WDR90: variants seen among roughly 807,000 people sequenced by gnomAD.
WDR90 encodes the protein WD repeat-containing protein 90.
A neutral mutation model predicts 195.2 loss-of-function variants in WDR90; 238 were observed. The ratio of observed to expected loss-of-function variants is 1.22; its 90% CI spans 1.10 to 1.36. The LOEUF (loss-of-function observed/expected upper bound fraction) is 1.36. WDR90 is among the 40% of genes most tolerant of loss of function. The pLI is 0.00. For synonymous variants in WDR90, 1,265 were observed against 1,052.4 expected, an observed-to-expected ratio of 1.20 and a Z score of -3.91; for missense variants, 2,734 against 2,439.5, an observed-to-expected ratio of 1.12 and a Z score of -2.54.
rs1248979192 is a variant in WDR90, at chr16:662,283, G to T, written c.4097G>T (p.Trp1366Leu). Reference protein sequence around the residue: ...SGSSTGRLRLWAVGAVSELRC... With the variant: ...SGSSTGRLRLLAVGAVSELRC... ...AGCAGCACGGGGCGGCTGCGCCTGT[G>T]GGCCGTGGGGGCTGTGTCGGAGCTG... is the stretch of plus-strand genomic sequence containing the variant. Residue 1366 changes from tryptophan to leucine, a missense_variant, in exon 33 of 41, where the codon TGG (tryptophan) becomes TTG (leucine). Trp to Leu is a moderately conservative substitution (Grantham distance 61, BLOSUM62 -2). Transcript: ENST00000293879. 6.3e-7 allele frequency: 1 copy of T among 1,583,118 alleles called. No individual in the cohort carries two copies. The highest frequency in any genetic ancestry group is 2.3e-5 in the East Asian group (1 of 43,468).
Position 666,546 on chromosome 16 carries a change from A to G in WDR90, c.4832A>G (p.Asn1611Ser), listed in dbSNP as rs1385550967. 5 of 1,612,710 alleles carry G rather than the reference A, an allele frequency of 3.1e-6. No homozygotes were observed. The South Asian group carries it at 5.5e-5, about 18-fold the overall frequency. The stretch of plus-strand genomic sequence containing the variant: ...GTCTGGGCCTCCGACTGGCTGCGGA[A>G]CCACTGTGAGCTTGTGGACTGGTTG... ...VSVWASDWLR[N>S]HCELVDWLSF... The change falls in exon 38 of 41, where the codon AAC becomes AGC. Residue 1611 changes from asparagine to serine, a missense_variant. By Grantham distance (46) the Asn-to-Ser change is conservative. Coordinates refer to ENST00000293879, the MANE Select transcript of WDR90 (RefSeq NM_145294.5).
At chr16:664,207 G>T (rs1044298183) in intron 34 of WDR90, among the ~76,000 whole-genome samples, 1 of 151,934 alleles carries the variant, frequency 6.6e-6, no homozygotes, top group Admixed American at 6.6e-5. Flanking sequence ...GAAACCCCGT[G>T]CGTGCCTGTT....
chr16:657,362 C>A, intron 20 of WDR90, 141 bp downstream of exon 20: 2 of 1,285,790 alleles, frequency 1.6e-6, no homozygotes, highest in Non-Finnish European at 2.1e-6. Flanking sequence ...GCCTCAGTAA[C>A]CTTGTCAAGG....
At chr16:650,424 C>G in intron 4 of WDR90, 62 bp downstream of exon 4, 1 of 1,592,984 alleles carries the variant, frequency 6.3e-7, no homozygotes, top group Non-Finnish European at 8.6e-7. Context: ...TGGTGCAGGC[C>G]CAGTGAGGCT....
At chr16:663,346 G>A in intron 34 of WDR90, 1 of 300,184 alleles carries the variant, frequency 3.3e-6, no homozygotes, top group South Asian at 2.8e-5. Context: ...GCTGAGACAA[G>A]AGAATCGCTT....
In WDR90 at chr16:658,901, C is replaced by T. The variant is rs1456789671; in HGVS notation, c.2901C>T (p.Tyr967=). The T allele has an allele frequency of 6.2e-7, 1 of 1,611,900 alleles. No individual in the cohort carries two copies. Among genetic ancestry groups the T allele is most frequent in the African/African-American group, 1.3e-5 (1 of 75,056 alleles). ...ATQASPGPQV[Y]IGHSEPVQAV... ...TGTGACGCCGCTACCCCTAGGTGTA[C>T]ATCGGCCACTCGGAACCCGTGCAGG... The change falls in exon 24 of 41, where the codon TAC becomes TAT. Residue 967 remains tyrosine, a synonymous_variant. Transcript: ENST00000293879.
intron 7 of WDR90, 80 bp from the exon 8 acceptor site, chr16:651,564 C>A: frequency 7.1e-7 from 1 of 1,403,982 alleles, no homozygotes; most frequent in South Asian, 1.2e-5. Context: ...CCACTTGCTG[C>A]TGCCCTCCCC....
intron 7 of WDR90, 132 bp downstream of exon 7, chr16:651,398 C>A: frequency 1.7e-6 from 2 of 1,198,728 alleles, no homozygotes; most frequent in South Asian, 1.3e-5. Context: ...CAGGGAAGCC[C>A]GTAGGTTGTC....
intron 7 of WDR90, among the ~76,000 whole-genome samples, 177 bp from the exon 8 acceptor site, chr16:651,467 G>A (rs547928185): frequency 1.3e-4 from 20 of 152,278 alleles, no homozygotes; most frequent in African/African-American, 4.6e-4. Flanking sequence ...GGGGCCCCAA[G>A]CTTTCTAGCT....
At chr16:664,413 C>G (rs1465175084) in intron 34 of WDR90, among the ~76,000 whole-genome samples, 1 of 152,168 alleles carries the variant, frequency 6.6e-6, no homozygotes, top group Non-Finnish European at 1.5e-5. Flanking sequence ...AAATACTGTT[C>G]CATTGTACGG....
chr16:659,635 A>G (rs1399827156), intron 26 of WDR90, among the ~76,000 whole-genome samples: 1 of 152,034 alleles, frequency 6.6e-6, no homozygotes, highest in East Asian at 1.9e-4. Flanking sequence ...CCGTCAGATG[A>G]GGAAGGACCC....
intron 35 of WDR90, 50 bp downstream of exon 35, chr16:665,851 G>C (rs762491704): frequency 2.6e-6 from 4 of 1,552,966 alleles, no homozygotes; most frequent in Non-Finnish European, 3.5e-6. Context: ...CTGCTCAGTG[G>C]GGGGCCTGGC....
chr16:654,610 G>A (rs13332946), intron 13 of WDR90: 64 of 165,156 alleles, frequency 3.9e-4, no homozygotes, highest in African/African-American at 1.2e-3. Flanking sequence ...ATGGTCTCAC[G>A]TTTTGTTTTT....
At chr16:667,102 G>A in intron 40 of WDR90, 113 bp downstream of exon 40, 1 of 1,181,204 alleles carries the variant, frequency 8.5e-7, no homozygotes, top group East Asian at 2.6e-5. Context: ...CTCGTCTCTG[G>A]GGTGGGGTGA....
intron 1 of WDR90, 153 bp from the exon 2 acceptor site, chr16:649,610 G>C: frequency 1.8e-6 from 2 of 1,133,664 alleles, no homozygotes; most frequent in Non-Finnish European, 2.3e-6. Context: ...TCGGGCGCCC[G>C]GCCTCGTCCC....
chr16:661,361 G>C lies in WDR90; in HGVS notation c.3533G>C (p.Gly1178Ala). The change falls in exon 30 of 41, where the codon GGC (glycine) becomes GCC (alanine). Residue 1178 changes from glycine to alanine, a missense_variant. Physicochemically the swap from Gly to Ala is moderately conservative, Grantham distance 60. Transcript: ENST00000293879. ...HSAQVLASAS[G>A]RSSTTAHCQI... The stretch of plus-strand genomic sequence containing the variant: ...TGCCAGGTCCTGGCCTCTGCCTCGG[G>C]CCGAAGCAGCACGACCGCCCATTGT... 4 of 1,607,018 alleles carry C rather than the reference G, an allele frequency of 2.5e-6. No individual in the cohort carries two copies. The highest frequency in any genetic ancestry group is 3.4e-6 in the Non-Finnish European group (4 of 1,178,372).
intron 33 of WDR90, 79 bp downstream of exon 33, chr16:662,410 C>T: frequency 2.7e-6 from 4 of 1,501,504 alleles, no homozygotes; most frequent in Non-Finnish European, 1.8e-6. Context: ...CAGTGCCCCG[C>T]CCCCGCAAAG....
chr16:649,746 G>A lies in WDR90; in HGVS notation c.11-17G>A, dbSNP rs981346147. On this transcript the variant is annotated splice_polypyrimidine_tract_variant and intron_variant, in intron 1 of 40. Transcript: ENST00000293879. ...GCGTGGCCGAGTCCCCTGACGCCCGGCGCCCGCTCCCCGCAGCGTGGCAGC... is the reference window on the plus strand; with the variant it reads ...GCGTGGCCGAGTCCCCTGACGCCCGACGCCCGCTCCCCGCAGCGTGGCAGC... 1 of 1,547,514 alleles carries A rather than the reference G, an allele frequency of 6.5e-7. No homozygotes were observed. Among genetic ancestry groups the A allele is most frequent in the Admixed American group, 2.0e-5 (1 of 50,842 alleles).
chr16:659,453 C>CA, intron 26 of WDR90, 77 bp downstream of exon 26: 1 of 1,530,764 alleles, frequency 6.5e-7, no homozygotes, highest in Non-Finnish European at 8.8e-7. Context: ...AGCAGGTACT[C>CA]ACGCACGTCC....
Sources: gnomAD v4.1 joint callset for allele counts (sites outside exome capture counted in the v4.1 genomes callset) on GRCh38, gnomAD v4.1.1 for gene constraint, MANE v1.5 for transcripts, NCBI Gene and HGNC (gene_info 2026-07-23, HGNC 2026-07-21) for gene names.